Variants in TNRC18 observed in about 807,000 individuals in gnomAD.
The protein encoded by TNRC18 is trinucleotide repeat containing 18, also known as trinucleotide repeat-containing gene 18 protein.
In TNRC18, 69 loss-of-function variants were observed where a neutral mutation model predicts 226.7. The ratio of observed to expected loss-of-function variants is 0.30; its 90% CI spans 0.25 to 0.37. TNRC18 has a LOEUF of 0.37. Among genes scored for constraint, TNRC18 ranks in the 10% least tolerant of loss-of-function variants. TNRC18 has a pLI of 1.00. For missense variants in TNRC18, 4,754 were observed against 4,256.6 expected, an observed-to-expected ratio of 1.12 and a Z score of -3.25; for synonymous variants, 2,449 against 1,927.6, an observed-to-expected ratio of 1.27 and a Z score of -7.09.
In TNRC18 at chr7:5,345,124, G is replaced by A. The variant is rs143701836; in HGVS notation, c.5719+438C>T. On this transcript the variant is annotated intron_variant, in intron 18 of 29. Transcript: ENST00000430969. ...ATCCCACAAAGTCTGAATGAGATGC[G>A]CTCTCTCTTCTTTCTACCGTGACGT... 4.5e-4 allele frequency among the ~76,000 whole-genome samples: 69 copies of A among 152,158 alleles called. No homozygotes were observed. The East Asian group carries it at 0.011, about 25-fold the overall frequency.
rs754892937 is a variant in TNRC18 at position 5,408,641 on chromosome 7, C to CA, written c.187+12418dup. Among the ~76,000 whole-genome samples, 146 of 151,814 alleles carry CA rather than the reference C, an allele frequency of 9.6e-4. 2 individuals are homozygous for CA. The highest frequency in any genetic ancestry group is 1.8e-3 in the Non-Finnish European group (119 of 67,948). On this transcript the variant is annotated intron_variant, in intron 2 of 29. Transcript: ENST00000430969. ...TGAGTGACAGAATGAGACTCCGTCT[C>CA]AAAAAACAGAAAGAAAAAAAAACCA...
intron 19 of TNRC18, among the ~76,000 whole-genome samples, chr7:5,328,050 C>T (rs1295978387): frequency 2.6e-5 from 4 of 151,792 alleles, no homozygotes; most frequent in Admixed American, 6.6e-5. Flanking sequence ...GGTGAAACCC[C>T]GTCTCTACTA....
rs79628025 is a variant in TNRC18, at chr7:5,341,972, G to A, written c.5719+3590C>T. Among the ~76,000 whole-genome samples the A allele has an allele frequency of 2.5e-3, 385 of 152,300 alleles. 1 individual carries two copies. Among genetic ancestry groups the A allele is most frequent in the African/African-American group, 8.9e-3 (368 of 41,560 alleles). ...ACAAGGAGATGAATGTTGGTTCCAT[G>A]CCTGCTAGCACGGCGCCCATTCTGC... On this transcript the variant is annotated intron_variant, in intron 18 of 29. Transcript: ENST00000430969.
Position 5,356,985 on chromosome 7 carries a change from A to G in TNRC18, c.5125T>C (p.Phe1709Leu). 1 of 1,551,890 alleles carries G rather than the reference A, an allele frequency of 6.4e-7. No individual in the cohort carries two copies. The highest frequency in any genetic ancestry group is 1.4e-5 in the African/African-American group (1 of 73,076). The change falls in exon 16 of 30, where the codon TTC becomes CTC. Residue 1709 changes from phenylalanine to leucine, a missense_variant. By Grantham distance (22) the Phe-to-Leu change is conservative. Coordinates refer to ENST00000430969, the MANE Select transcript of TNRC18 (RefSeq NM_001080495.3). Reference protein sequence around the residue: ...AAKTRKMEVGFKARGQPKSAH... With the variant: ...AAKTRKMEVGLKARGQPKSAH... The stretch of plus-strand genomic sequence containing the variant: ...GACTTGGGCTGGCCTCTGGCCTTGA[A>G]CCCCACCTCCATCTTCCTGGTTTTG...
intron 10 of TNRC18, among the ~76,000 whole-genome samples, chr7:5,373,683 C>T (rs1794366149): frequency 6.6e-6 from 1 of 152,152 alleles, no homozygotes; most frequent in Non-Finnish European, 1.5e-5. Flanking sequence ...ATGGGACCCA[C>T]AGAACGGGGG....
Position 5,374,425 on chromosome 7 carries a change from C to T in TNRC18, c.2859G>A (p.Arg953=). Reference sequence around the variant, plus strand: ...CAGCCTTGCCCGCAGCCTCCAGGCCCCGCTTGCTCCCCTTCTCTTCCATCT... The same window carrying T: ...CAGCCTTGCCCGCAGCCTCCAGGCCTCGCTTGCTCCCCTTCTCTTCCATCT... ...RAEMEEKGSK[R]GLEAAGKAGL... The change falls in exon 10 of 30, where the codon CGG becomes CGA. Residue 953 remains arginine (R), a synonymous_variant. Transcript: ENST00000430969. The T allele has an allele frequency of 6.5e-7, 1 of 1,543,760 alleles. No individual in the cohort carries two copies. The highest frequency in any genetic ancestry group is 8.7e-7 in the Non-Finnish European group (1 of 1,144,364).
intron 17 of TNRC18, among the ~76,000 whole-genome samples, chr7:5,346,138 C>A (rs540415970): frequency 6.6e-6 from 1 of 152,244 alleles, no homozygotes; most frequent in South Asian, 2.1e-4. Flanking sequence ...CTGGAGACAG[C>A]GTTCTCCACA....
intron 18 of TNRC18, among the ~76,000 whole-genome samples, chr7:5,335,605 GA>G (rs60546145): frequency 0.01 from 1,271 of 126,782 alleles, 9 homozygotes; most frequent in African/African-American, 0.018. Context: ...ACTCCGTCTA[GA>G]AAAAAAAAAA....
At chr7:5,409,621 G>A (rs180888500) in intron 2 of TNRC18, among the ~76,000 whole-genome samples, 45 of 151,820 alleles carry the variant, frequency 3.0e-4, no homozygotes, top group Middle Eastern at 3.4e-3. Flanking sequence ...CGAAAGGTTA[G>A]AAGATACCAT....
intron 11 of TNRC18, among the ~76,000 whole-genome samples, chr7:5,363,993 GCA>G (rs766876620): frequency 2.6e-5 from 4 of 151,968 alleles, no homozygotes; most frequent in Non-Finnish European, 5.9e-5. Flanking sequence ...ACATCCACGG[GCA>G]TCCTTTAAAA....
chr7:5,313,679 G>T lies in TNRC18; in HGVS notation c.7212C>A (p.Thr2404=). ...PQPSPAPPAF[T]SCPAPEPFAE... ...CAAATGGCTCGGGTGCTGGGCAGCTGGTGAAGGCGGGTGGTGCGGGACTGG... is the reference window on the plus strand; with the variant it reads ...CAAATGGCTCGGGTGCTGGGCAGCTTGTGAAGGCGGGTGGTGCGGGACTGG... The change falls in exon 27 of 30, where the codon ACC becomes ACA. Residue 2404 remains threonine (T), a synonymous_variant. Coordinates refer to ENST00000430969, the MANE Select transcript of TNRC18 (RefSeq NM_001080495.3). 6.2e-7 allele frequency: 1 copy of T among 1,605,340 alleles called. No homozygotes were observed. The highest frequency in any genetic ancestry group is 8.5e-7 in the Non-Finnish European group (1 of 1,176,680).
intron 16 of TNRC18, among the ~76,000 whole-genome samples, chr7:5,352,993 G>A (rs750647804): frequency 8.5e-5 from 13 of 152,264 alleles, no homozygotes; most frequent in South Asian, 2.1e-4. Context: ...CCACATGCAC[G>A]CATCCGTGGC....
rs373289894 is a variant in TNRC18 at position 5,374,467 on chromosome 7, C to T, written c.2817G>A (p.Ala939=). Reference sequence around the variant, plus strand: ...CTTCCATCTCCGCCCGGTGCTCCTGCGCCTTCAACCGCTCCTGCTGGGAAG... The same window carrying T: ...CTTCCATCTCCGCCCGGTGCTCCTGTGCCTTCAACCGCTCCTGCTGGGAAG... ...SAQLVQERLK[A]QEHRAEMEEK... The change falls in exon 10 of 30, where the codon GCG becomes GCA. Residue 939 remains alanine (A), a synonymous_variant. Coordinates refer to ENST00000430969, the MANE Select transcript of TNRC18 (RefSeq NM_001080495.3). 6.5e-5 allele frequency: 100 copies of T among 1,546,428 alleles called. No individual in the cohort carries two copies. The African/African-American group carries it at 9.9e-4, about 15-fold the overall frequency.
At chr7:5,374,657 C>T (rs1429122509) in intron 9 of TNRC18, among the ~76,000 whole-genome samples, 173 bp from the exon 10 acceptor site, 1 of 152,222 alleles carries the variant, frequency 6.6e-6, no homozygotes, top group Non-Finnish European at 1.5e-5. Context: ...CATCCCAGCC[C>T]ATGTGTCATA....
In TNRC18 at chr7:5,312,340, ACT is replaced by A. The variant is rs1787313441; in HGVS notation, c.8388+161_8388+162del. ...CCGACAGACCCAGGTGCCTGAGGAC[ACT>A]CTGAGACTCAGTGTACCCATCCATA... is the stretch of plus-strand genomic sequence containing the variant. On this transcript the variant is annotated intron_variant, in intron 27 of 29. Transcript: ENST00000430969. The surrounding 1 kb of genome is among the most constrained non-coding windows in gnomAD (Gnocchi z 6.3). Among the ~76,000 whole-genome samples, 1 of 152,048 alleles carries A rather than the reference ACT, an allele frequency of 6.6e-6. No individual in the cohort carries two copies. The highest frequency in any genetic ancestry group is 1.5e-5 in the Non-Finnish European group (1 of 67,986).
At position 5,370,911 on chromosome 7, in the gene TNRC18, G is replaced by C; in HGVS notation, c.3683C>G (p.Pro1228Arg). The C allele has an allele frequency of 6.2e-7, 1 of 1,605,702 alleles. No homozygotes were observed. The highest frequency in any genetic ancestry group is 8.5e-7 in the Non-Finnish European group (1 of 1,179,730). Residue 1228 changes from proline to arginine, a missense_variant, in exon 11 of 30, where the codon CCA (proline) becomes CGA (arginine). Transcript: ENST00000430969. Reference protein sequence around the residue: ...ECPDFVEGPEPRVDSPGRTEP... With the variant: ...ECPDFVEGPERRVDSPGRTEP... ...TGTCCGGCCCGGGGAATCCACCCGT[G>C]GTTCAGGCCCCTCCACAAAGTCTGG... is the stretch of plus-strand genomic sequence containing the variant.
intron 3 of TNRC18, among the ~76,000 whole-genome samples, chr7:5,393,334 T>G (rs917138083): frequency 6.6e-5 from 10 of 152,278 alleles, no homozygotes; most frequent in Middle Eastern, 3.4e-3. Flanking sequence ...TTCCCCAGAG[T>G]GTCCAGGAAG....
intron 4 of TNRC18, chr7:5,390,155 G>C (rs1237544820): frequency 2.7e-5 from 12 of 443,234 alleles, no homozygotes; most frequent in Non-Finnish European, 3.5e-5. Flanking sequence ...CTTGAGGCCA[G>C]GAGTTTGAAA....
rs776622080 is a variant in TNRC18, at chr7:5,359,553, G to A, written c.4678C>T (p.Leu1560=). ...AGCTCATAATCATCTGATGTCAGCA[G>A]AGACTTGCTGCTCAGCCTGAAACGC... ...HSSGKLSSKS[L]LTSDDYELGA... The change falls in exon 15 of 30, where the codon CTG becomes TTG. Residue 1560 remains leucine, a synonymous_variant. Coordinates refer to ENST00000430969, the MANE Select transcript of TNRC18 (RefSeq NM_001080495.3). The A allele has an allele frequency of 6.2e-6, 10 of 1,613,804 alleles. No individual in the cohort carries two copies. In the South Asian group the frequency reaches 1.1e-4, roughly 18 times the overall value.
Sources: gnomAD v4.1 joint callset for allele counts (sites outside exome capture counted in the v4.1 genomes callset) on GRCh38, gnomAD v4.1.1 for gene constraint, Gnocchi (gnomAD v3.1) non-coding constraint, MANE v1.5 for transcripts, NCBI Gene and HGNC (gene_info 2026-07-23, HGNC 2026-07-21) for gene names.